GALNT17: variants seen among roughly 807,000 people sequenced by gnomAD.
GALNT17 encodes the protein UDP-GalNAc:polypeptide N-acetylgalactosaminyltransferase-like 3.
A neutral mutation model predicts 63.7 loss-of-function variants in GALNT17; 29 were observed. The observed-to-expected ratio is 0.46, with a 90% CI of 0.34 to 0.62. GALNT17 has a LOEUF of 0.62. GALNT17 is among the 20% of genes least tolerant of loss of function. The pLI, the probability that GALNT17 is intolerant of heterozygous loss-of-function variation, is 0.01. For missense variants in GALNT17, 603 were observed against 799.6 expected, an observed-to-expected ratio of 0.75 and a Z score of 2.97; for synonymous variants, 305 against 318.3, an observed-to-expected ratio of 0.96 and a Z score of 0.45.
intron 9 of GALNT17, among the ~76,000 whole-genome samples, chr7:71,703,738 G>A (rs188105779): frequency 6.6e-6 from 1 of 152,294 alleles, no homozygotes; most frequent in East Asian, 1.9e-4. Context: ...ATAAAGATCC[G>A]GTTATATTTG....
intron 1 of GALNT17, among the ~76,000 whole-genome samples, chr7:71,259,824 G>A (rs925187353): frequency 1.3e-5 from 2 of 151,716 alleles, no homozygotes; most frequent in East Asian, 1.9e-4. Flanking sequence ...TGTATTTTTA[G>A]TAGAGACAGG....
chr7:71,666,810 T>C (rs996286091), intron 7 of GALNT17, among the ~76,000 whole-genome samples: 3 of 151,940 alleles, frequency 2.0e-5, no homozygotes, highest in African/African-American at 7.3e-5. Flanking sequence ...ATTTGTATTT[T>C]TTATTGTTGT....
At chr7:71,373,128 G>T (rs1426650331) in intron 2 of GALNT17, among the ~76,000 whole-genome samples, 3 of 152,182 alleles carry the variant, frequency 2.0e-5, no homozygotes. Context: ...AGCGCTTGGA[G>T]CCCATCTTGT....
At chr7:71,551,444 T>C (rs1434631862) in intron 5 of GALNT17, among the ~76,000 whole-genome samples, 1 of 152,190 alleles carries the variant, frequency 6.6e-6, no homozygotes, top group East Asian at 1.9e-4. Context: ...GTCCTGTGCC[T>C]CTCTTTTGTT....
At chr7:71,461,287 A>G (rs1787446625) in intron 5 of GALNT17, among the ~76,000 whole-genome samples, 1 of 152,240 alleles carries the variant, frequency 6.6e-6, no homozygotes, top group Admixed American at 6.5e-5. Flanking sequence ...TATCTCCAGG[A>G]TGTTAGAAAA....
chr7:71,542,328 A>C (rs943975813), intron 5 of GALNT17, among the ~76,000 whole-genome samples: 1 of 152,100 alleles, frequency 6.6e-6, no homozygotes, highest in African/African-American at 2.4e-5. Flanking sequence ...TGTTGCATTT[A>C]TTGGAATTTA....
At chr7:71,393,549 C>T (rs1208833771) in intron 3 of GALNT17, among the ~76,000 whole-genome samples, 2 of 151,666 alleles carry the variant, frequency 1.3e-5, no homozygotes, top group African/African-American at 4.9e-5. Context: ...ATAATCAGTG[C>T]CCCCCTTTTT....
At chr7:71,247,221 G>A (rs1790114820) in intron 1 of GALNT17, among the ~76,000 whole-genome samples, 1 of 152,174 alleles carries the variant, frequency 6.6e-6, no homozygotes, top group South Asian at 2.1e-4. Context: ...TTATCTTGAA[G>A]AAGAGTGAAA....
At chr7:71,525,639 A>G (rs1788611602) in intron 5 of GALNT17, among the ~76,000 whole-genome samples, 1 of 143,546 alleles carries the variant, frequency 7.0e-6, no homozygotes, top group Non-Finnish European at 1.5e-5. Flanking sequence ...TGTCATAATC[A>G]TGAGGTCTCC....
At position 71,501,219 on chromosome 7, in the gene GALNT17, T is replaced by A. The variant is rs534022804; in HGVS notation, c.963-70066T>A. On this transcript the variant is annotated intron_variant, in intron 5 of 10. Transcript: ENST00000333538. The stretch of plus-strand genomic sequence containing the variant: ...CCTGGCCTCAAATGATCCATCCTCC[T>A]CAGCCTCCCAAAGTACTGGGATTAC... 4.9e-4 allele frequency among the ~76,000 whole-genome samples: 74 copies of A among 152,118 alleles called. No homozygotes were observed. In the South Asian group the frequency reaches 0.012, roughly 26 times the overall value.
intron 1 of GALNT17, among the ~76,000 whole-genome samples, chr7:71,197,436 C>A (rs1222846956): frequency 6.6e-6 from 1 of 151,300 alleles, no homozygotes; most frequent in East Asian, 2.0e-4. Flanking sequence ...TCTCGATCTC[C>A]TGACCTTGTG....
intron 4 of GALNT17, among the ~76,000 whole-genome samples, 156 bp from the exon 5 acceptor site, chr7:71,420,752 C>T (rs1424679000): frequency 1.3e-5 from 2 of 152,150 alleles, no homozygotes; most frequent in Non-Finnish European, 2.9e-5. Flanking sequence ...CAGGATCCAG[C>T]GTGGGCAGGT....
chr7:71,590,981 G>A (rs1049529734), intron 6 of GALNT17, among the ~76,000 whole-genome samples: 2 of 152,164 alleles, frequency 1.3e-5, no homozygotes, highest in Non-Finnish European at 2.9e-5. Flanking sequence ...GGCTGGTCTC[G>A]AACTCTTGAC....
intron 5 of GALNT17, among the ~76,000 whole-genome samples, chr7:71,424,741 C>A (rs575427810): frequency 6.6e-6 from 1 of 152,250 alleles, no homozygotes; most frequent in South Asian, 2.1e-4. Flanking sequence ...TAAGCGGATA[C>A]AATATGCTTT....
At chr7:71,355,788 C>T (rs750503966) in intron 2 of GALNT17, among the ~76,000 whole-genome samples, 4 of 152,136 alleles carry the variant, frequency 2.6e-5, no homozygotes, top group Admixed American at 6.5e-5. Flanking sequence ...CCACCTCAGC[C>T]TCCCAAAGTG....
intron 5 of GALNT17, among the ~76,000 whole-genome samples, chr7:71,540,891 A>G (rs1036927537): frequency 3.3e-5 from 5 of 152,080 alleles, no homozygotes; most frequent in African/African-American, 1.2e-4. Flanking sequence ...TTAGATTAAC[A>G]TCTGTGCTTG....
intron 2 of GALNT17, among the ~76,000 whole-genome samples, chr7:71,358,051 G>T (rs574505642): frequency 4.3e-4 from 65 of 152,316 alleles, no homozygotes; most frequent in Non-Finnish European, 7.9e-4. Context: ...CCCCTTCCAT[G>T]CTGTGGAAGG....
intron 1 of GALNT17, among the ~76,000 whole-genome samples, chr7:71,135,229 T>C (rs1430895207): frequency 3.3e-5 from 5 of 152,186 alleles, no homozygotes; most frequent in African/African-American, 1.2e-4. Context: ...AATAAAATTC[T>C]ATAATAATAA....
intron 2 of GALNT17, among the ~76,000 whole-genome samples, chr7:71,374,988 C>T (rs1792694657): frequency 6.6e-6 from 1 of 151,892 alleles, no homozygotes; most frequent in Non-Finnish European, 1.5e-5. Context: ...TACAGGCGCA[C>T]ACCACCATGC....
Sources: gnomAD v4.1 joint callset for allele counts (sites outside exome capture counted in the v4.1 genomes callset) on GRCh38, gnomAD v4.1.1 for gene constraint, MANE v1.5 for transcripts, NCBI Gene and HGNC (gene_info 2026-07-23, HGNC 2026-07-21) for gene names.